IGFBP2: variants seen among roughly 807,000 people sequenced by gnomAD.
IGFBP2 encodes insulin like growth factor binding protein 2.
Under a neutral mutation model 26.2 loss-of-function variants are expected in IGFBP2, and 12 were observed. The ratio of observed to expected loss-of-function variants is 0.46; its 90% CI spans 0.29 to 0.74. The LOEUF is 0.74. Ranked by LOEUF, IGFBP2 falls within the 30% of genes least tolerant of loss-of-function variation. IGFBP2 has a pLI of 0.09. For missense variants in IGFBP2, 328 were observed against 441.2 expected, an observed-to-expected ratio of 0.74 and a Z score of 2.30; for synonymous variants, 189 against 200.6, an observed-to-expected ratio of 0.94 and a Z score of 0.49.
At chr2:216,649,524 C>T (rs898712355) in intron 1 of IGFBP2, among the ~76,000 whole-genome samples, 3 of 152,184 alleles carry the variant, frequency 2.0e-5, no homozygotes, top group Admixed American at 1.3e-4. Context: ...GCAACTAGGT[C>T]ACCTTGCCAG....
At chr2:216,643,040 T>G (rs1697646480) in intron 1 of IGFBP2, among the ~76,000 whole-genome samples, 1 of 152,138 alleles carries the variant, frequency 6.6e-6, no homozygotes, top group Non-Finnish European at 1.5e-5. Context: ...TATGGCATGC[T>G]CAAGGGTGTG....
intron 1 of IGFBP2, chr2:216,659,796 C>G: frequency 6.9e-7 from 1 of 1,456,904 alleles, no homozygotes; most frequent in South Asian, 1.2e-5. Flanking sequence ...GTTCTTGGGG[C>G]TCTCAGTATA....
intron 3 of IGFBP2, chr2:216,663,100 A>G (rs9341213): frequency 0.054 from 8,277 of 152,176 alleles, 337 homozygotes; most frequent in African/African-American, 0.11. Context: ...TAGGGGTCTC[A>G]CCTCTCCACC....
At chr2:216,663,899 C>T (rs1688704995) in intron 3 of IGFBP2, 41 bp from the exon 4 acceptor site, 13 of 1,580,448 alleles carry the variant, frequency 8.2e-6, no homozygotes, top group African/African-American at 1.3e-5. Flanking sequence ...AGGAAAGTTG[C>T]TGGCTGCGGG....
At chr2:216,644,179 T>G (rs1201180726) in intron 1 of IGFBP2, among the ~76,000 whole-genome samples, 1 of 135,728 alleles carries the variant, frequency 7.4e-6, no homozygotes, top group Non-Finnish European at 1.6e-5. Flanking sequence ...TTTCCTTTTT[T>G]CTGTGGGCGG....
chr2:216,645,577 G>A (rs1350940817), intron 1 of IGFBP2, among the ~76,000 whole-genome samples: 1 of 152,190 alleles, frequency 6.6e-6, no homozygotes, highest in African/African-American at 2.4e-5. Context: ...AGGTAAACAT[G>A]CAAGCCACGT....
chr2:216,664,260 C>T lies in IGFBP2; in HGVS notation c.*156C>T. The stretch of plus-strand genomic sequence containing the variant: ...GAGACCAGCACCGAGCTCGGCACCT[C>T]CCCGGCCTCTCTCTTCCCAGCTGCA... On this transcript the variant is annotated 3_prime_UTR_variant, in exon 4 of 4. Transcript: ENST00000233809. The surrounding 1 kb of genome is among the most constrained non-coding windows in gnomAD (Gnocchi z 4.6). 1.9e-6 allele frequency: 1 copy of T among 533,662 alleles called. No individual in the cohort carries two copies. Among genetic ancestry groups the T allele is most frequent in the Non-Finnish European group, 3.1e-6 (1 of 320,016 alleles). 33.1% of individuals were successfully genotyped at this position (533,662 alleles called of 1,614,324 possible).
At chr2:216,660,499 G>A in intron 1 of IGFBP2, 58 bp from the exon 2 acceptor site, 1 of 1,367,378 alleles carries the variant, frequency 7.3e-7, no homozygotes, top group Non-Finnish European at 1.0e-6. Context: ...GGCTCCCGGA[G>A]GGCACGTCTC....
intron 1 of IGFBP2, among the ~76,000 whole-genome samples, chr2:216,655,757 T>A (rs1167556278): frequency 5.3e-5 from 8 of 151,966 alleles, no homozygotes; most frequent in Non-Finnish European, 1.2e-4. Context: ...TAACCAGGCG[T>A]GGTGACACAT....
Position 216,661,900 on chromosome 2 carries a change from T to TCCA in IGFBP2, c.719_721dup (p.Thr240dup). 6.2e-7 allele frequency: 1 copy of TCCA among 1,614,212 alleles called. No individual in the cohort carries two copies. The highest frequency in any genetic ancestry group is 8.5e-7 in the Non-Finnish European group (1 of 1,180,034). On this transcript the variant is annotated inframe_insertion, in exon 3 of 4. Transcript: ENST00000233809. ...ACTGGACCAGGTCCTGGAGCGGATC[T>TCCA]CCACCATGCGCCTTCCGGATGAGCG... is the stretch of plus-strand genomic sequence containing the variant.
chr2:216,648,506 G>A (rs190496591), intron 1 of IGFBP2, among the ~76,000 whole-genome samples: 25 of 152,282 alleles, frequency 1.6e-4, no homozygotes, highest in Admixed American at 5.9e-4. Context: ...TGTCACTATC[G>A]TTTGGTCCTC....
At chr2:216,652,970 A>G (rs1419752421) in intron 1 of IGFBP2, among the ~76,000 whole-genome samples, 2 of 152,218 alleles carry the variant, frequency 1.3e-5, no homozygotes, top group Non-Finnish European at 2.9e-5. Flanking sequence ...CTTAGATTTT[A>G]AGATAATCAT....
intron 1 of IGFBP2, among the ~76,000 whole-genome samples, chr2:216,642,577 A>G (rs1402053091): frequency 6.6e-6 from 1 of 152,122 alleles, no homozygotes; most frequent in Non-Finnish European, 1.5e-5. Flanking sequence ...AAGTGCTGGG[A>G]TTGCAGGCGT....
chr2:216,653,968 G>A (rs1697872516), intron 1 of IGFBP2, among the ~76,000 whole-genome samples: 1 of 152,120 alleles, frequency 6.6e-6, no homozygotes, highest in Non-Finnish European at 1.5e-5. Flanking sequence ...GATGTCATTT[G>A]GGGTTGCTAA....
intron 1 of IGFBP2, among the ~76,000 whole-genome samples, chr2:216,655,230 G>A (rs1489854924): frequency 6.6e-6 from 1 of 152,010 alleles, no homozygotes; most frequent in Admixed American, 6.6e-5. Flanking sequence ...ATTTTTAGCA[G>A]AGACAAGGTG....
intron 1 of IGFBP2, among the ~76,000 whole-genome samples, chr2:216,635,934 T>C (rs1697485799): frequency 6.6e-6 from 1 of 151,140 alleles, no homozygotes; most frequent in Admixed American, 6.6e-5. Context: ...GAAGAGGGGA[T>C]GTTAAGCAGG....
intron 1 of IGFBP2, among the ~76,000 whole-genome samples, chr2:216,660,115 TG>T (rs920328385): frequency 6.6e-6 from 1 of 151,990 alleles, no homozygotes; most frequent in African/African-American, 2.4e-5. Context: ...TGGGAGAATT[TG>T]GGGGGGTCCC....
At chr2:216,660,487 G>T in intron 1 of IGFBP2, 70 bp from the exon 2 acceptor site, 1 of 1,152,852 alleles carries the variant, frequency 8.7e-7, no homozygotes, top group South Asian at 1.5e-5. Context: ...TACGGTCCAG[G>T]TGGCTCCCGG....
intron 2 of IGFBP2, 122 bp downstream of exon 2, chr2:216,660,908 T>G: frequency 2.8e-6 from 2 of 724,460 alleles, no homozygotes; most frequent in Non-Finnish European, 4.6e-6. Flanking sequence ...CACTTTTCTT[T>G]CCACAAACAT....
Sources: allele counts gnomAD v4.1 joint callset (sites outside exome capture counted in the v4.1 genomes callset), GRCh38; gene constraint gnomAD v4.1.1; non-coding constraint Gnocchi (gnomAD v3.1); transcripts MANE v1.5; gene names NCBI Gene and HGNC (gene_info 2026-07-23, HGNC 2026-07-21).